ATCAY: variants seen among roughly 807,000 people sequenced by gnomAD.
The protein encoded by ATCAY is ATCAY kinesin light chain interacting caytaxin, also known as caytaxin.
Under a neutral mutation model 47.7 loss-of-function variants are expected in ATCAY, and 22 were observed. That is an observed-to-expected ratio of 0.46 (90% CI 0.33 to 0.66). The LOEUF (loss-of-function observed/expected upper bound fraction) is 0.66. Among genes scored for constraint, ATCAY ranks in the 30% least tolerant of loss-of-function variants. ATCAY has a pLI of 0.02. For missense variants in ATCAY, 452 were observed against 515.0 expected (o/e 0.88, Z 1.18); for synonymous variants, 216 against 207.6 (o/e 1.04, Z -0.35).
chr19:3,887,693 A>G (rs796285974), intron 2 of ATCAY, among the ~76,000 whole-genome samples: 1,617 of 150,222 alleles, frequency 0.011, 28 homozygotes, highest in African/African-American at 0.035. Flanking sequence ...TCACCATGTT[A>G]GCCAGGATGG....
At chr19:3,906,304 GTTT>G (rs59261448) in intron 4 of ATCAY, among the ~76,000 whole-genome samples, 2 of 135,262 alleles carry the variant, frequency 1.5e-5, no homozygotes, top group Non-Finnish European at 1.6e-5. Context: ...TCCTGCGACT[GTTT>G]TTTTTTTTTT....
chr19:3,885,245 C>G (rs1227965431), intron 1 of ATCAY, among the ~76,000 whole-genome samples: 1 of 150,944 alleles, frequency 6.6e-6, no homozygotes, highest in African/African-American at 2.4e-5. Flanking sequence ...ACAGTGAAAC[C>G]CCGTCTCTAT....
chr19:3,912,917 G>T (rs1037701940), intron 8 of ATCAY, among the ~76,000 whole-genome samples: 1 of 149,640 alleles, frequency 6.7e-6, no homozygotes, highest in Non-Finnish European at 1.5e-5. Flanking sequence ...TGCTGGTGAT[G>T]AAACACCACA....
chr19:3,898,476 C>A (rs758608505), intron 2 of ATCAY, among the ~76,000 whole-genome samples: 3 of 152,212 alleles, frequency 2.0e-5, no homozygotes, highest in Non-Finnish European at 2.9e-5. Context: ...TAAGCCACCA[C>A]ACTCAGCCAA....
chr19:3,914,003 G>T (rs1209249834), intron 9 of ATCAY, 147 bp downstream of exon 9: 5 of 635,726 alleles, frequency 7.9e-6, no homozygotes, highest in Non-Finnish European at 1.1e-5. Flanking sequence ...TTGGGAGGCT[G>T]AGGCGGGCGG....
intron 2 of ATCAY, among the ~76,000 whole-genome samples, chr19:3,889,747 G>C (rs2038697061): frequency 6.6e-6 from 1 of 152,104 alleles, no homozygotes; most frequent in Non-Finnish European, 1.5e-5. Context: ...GGGCATCTCA[G>C]TGCCTCTGTT....
At chr19:3,887,375 T>C (rs1463203404) in intron 2 of ATCAY, among the ~76,000 whole-genome samples, 1 of 151,982 alleles carries the variant, frequency 6.6e-6, no homozygotes, top group Non-Finnish European at 1.5e-5. Flanking sequence ...GGAGGATCCC[T>C]TGAGCCCAGA....
At position 3,924,753 on chromosome 19, in the gene ATCAY, C is replaced by A; in HGVS notation, c.*161C>A. 1 of 690,686 alleles carries A rather than the reference C, an allele frequency of 1.4e-6. No homozygotes were observed. Among genetic ancestry groups the A allele is most frequent in the Non-Finnish European group, 2.4e-6 (1 of 416,740 alleles). The allele number at this position is 690,686 out of a possible 1,614,324, so 42.8% of individuals were successfully genotyped here. A position where few individuals can be genotyped will look rare whatever the true frequency, so the allele number is the denominator to read the frequency against. Reference sequence around the variant, plus strand: ...CATCTCTGAAACCCAGCATCCTTTTCAGCTGCTTGAAAACATTGTATTTTT... The same window carrying A: ...CATCTCTGAAACCCAGCATCCTTTTAAGCTGCTTGAAAACATTGTATTTTT... On this transcript the variant is annotated 3_prime_UTR_variant, in exon 13 of 13. Coordinates refer to ENST00000450849, the MANE Select transcript of ATCAY (RefSeq NM_033064.5).
At position 3,918,959 on chromosome 19, in the gene ATCAY, A is replaced by G. The variant is rs145032025; in HGVS notation, c.1073+82A>G. 7.6e-4 allele frequency: 1,160 copies of G among 1,526,402 alleles called. 5 individuals carry two copies. In the African/African-American group the frequency reaches 0.014, roughly 18 times the overall value. 94.6% of individuals were successfully genotyped at this position (1,526,402 alleles called of 1,614,324 possible). A position where few individuals can be genotyped will look rare whatever the true frequency, so the allele number is the denominator to read the frequency against. On this transcript the variant is annotated intron_variant, in intron 11 of 12. Transcript: ENST00000450849. ...CCCTTGGGGGAGGCTAGAGAGGAAG[A>G]TGGGTCCTTGTTCAGGGACAGAAAA...
At chr19:3,908,722 C>CTCCCCCTCCCTCTCCTCCTCCCCCTCT (rs2038891293) in intron 6 of ATCAY, among the ~76,000 whole-genome samples, 1 of 53,376 alleles carries the variant, frequency 1.9e-5, no homozygotes, top group African/African-American at 5.8e-5. Flanking sequence ...TCTCCTCCTC[C>CTCCCCCTCCCTCTCCTCCTCCCCCTCT]TCCCCTTCCC....
chr19:3,917,584 CAAAAAAAAAA>C (rs71166940), intron 9 of ATCAY, among the ~76,000 whole-genome samples, 148 bp from the exon 10 acceptor site: 5 of 40,836 alleles, frequency 1.2e-4, no homozygotes, highest in East Asian at 8.7e-4. Flanking sequence ...GACTCCATCT[CAAAAAAAAAA>C]AAAAAAAAAA....
Position 3,885,761 on chromosome 19 carries a change from A to G in ATCAY, c.-7A>G, listed in dbSNP as rs1357393529. The stretch of plus-strand genomic sequence containing the variant: ...CTGCTTCAAGCCAGTGCCTCTTCCC[A>G]GCTCCCATGGGGACCACCGAAGCCA... On this transcript the variant is annotated 5_prime_UTR_variant, in exon 2 of 13. Transcript: ENST00000450849. The G allele has an allele frequency of 3.9e-6, 6 of 1,550,362 alleles. No homozygotes were observed. Among genetic ancestry groups the G allele is most frequent in the Non-Finnish European group, 5.2e-6 (6 of 1,146,920 alleles).
chr19:3,904,011 G>A (rs1424163282), intron 3 of ATCAY, among the ~76,000 whole-genome samples: 1 of 150,838 alleles, frequency 6.6e-6, no homozygotes, highest in African/African-American at 2.5e-5. Flanking sequence ...AAATTAGCCG[G>A]GCATTGTGGC....
chr19:3,889,881 TTATTAC>T lies in ATCAY; in HGVS notation c.77+4043_77+4048del, dbSNP rs1466384890. ...CACAAATAAATAATCATCTCCAGCG[TTATTAC>T]TATTATTAGCTTAGCTCCCTTTCCC... On this transcript the variant is annotated intron_variant, in intron 2 of 12. Coordinates refer to ENST00000450849, the MANE Select transcript of ATCAY (RefSeq NM_033064.5). Among the ~76,000 whole-genome samples the T allele has an allele frequency of 2.6e-5, 4 of 152,206 alleles. No individual in the cohort carries two copies. In the East Asian group the frequency reaches 7.7e-4, roughly 29 times the overall value.
rs1555765161 is a variant in ATCAY, at chr19:3,881,860, G to GCCA, written c.-42+855_-42+857dup. 6.6e-4 allele frequency among the ~76,000 whole-genome samples: 85 copies of GCCA among 129,298 alleles called. 1 individual carries two copies. The East Asian group carries it at 0.016, about 24-fold the overall frequency. The allele number at this position is 129,298 out of a possible 152,430, so 84.8% of individuals were successfully genotyped here. ...CGCGGGAAGGGCCTGGCTGGCTGCT[G>GCCA]CCACCGCCCCCCCCCCGACCCCATA... On this transcript the variant is annotated intron_variant, in intron 1 of 12. Transcript: ENST00000450849.
intron 2 of ATCAY, among the ~76,000 whole-genome samples, chr19:3,898,690 T>C (rs1275306866): frequency 3.9e-5 from 6 of 152,140 alleles, no homozygotes; most frequent in Admixed American, 3.3e-4. Flanking sequence ...TTTGTTTGTT[T>C]GTTTGTTTTT....
chr19:3,923,959 AGTGG>A (rs2039042993), intron 12 of ATCAY, among the ~76,000 whole-genome samples: 1 of 54,494 alleles, frequency 1.8e-5, no homozygotes, highest in South Asian at 8.1e-4. Flanking sequence ...TAGATGGATG[AGTGG>A]GTGGGTGGAT....
chr19:3,894,194 T>C (rs2038744317), intron 2 of ATCAY, among the ~76,000 whole-genome samples: 2 of 151,074 alleles, frequency 1.3e-5, no homozygotes, highest in Non-Finnish European at 3.0e-5. Context: ...ATATAAAAAT[T>C]AGCTGGGTGG....
At position 3,914,235 on chromosome 19, in the gene ATCAY, C is replaced by CAAAAA. The variant is rs56742726; in HGVS notation, c.965+390_965+394dup. 1.1e-3 allele frequency among the ~76,000 whole-genome samples: 69 copies of CAAAAA among 62,570 alleles called. 10 individuals carry two copies. The highest frequency in any genetic ancestry group is 5.7e-3 in the African/African-American group (55 of 9,566). 41.0% of individuals were successfully genotyped at this position (62,570 alleles called of 152,430 possible). A position where few individuals can be genotyped will look rare whatever the true frequency, so the allele number is the denominator to read the frequency against. On this transcript the variant is annotated intron_variant, in intron 9 of 12. Coordinates refer to ENST00000450849, the MANE Select transcript of ATCAY (RefSeq NM_033064.5). ...TGGGCCACAGAGCGAGACTCCATCG[C>CAAAAA]AAAAAAAAAAAAAAAGGGCTAACGG...
Sources: allele counts gnomAD v4.1 joint callset (sites outside exome capture counted in the v4.1 genomes callset), GRCh38; gene constraint gnomAD v4.1.1; transcripts MANE v1.5; gene names NCBI Gene and HGNC (gene_info 2026-07-23, HGNC 2026-07-21).